The following UNC13A variants were observed in gnomAD, a reference collection of about 807,000 sequenced individuals.
UNC13A encodes the protein protein unc-13 homolog A.
UNC13A carries 61 observed loss-of-function variants against 219.7 expected under a neutral mutation model. The ratio of observed to expected loss-of-function variants is 0.28; its 90% CI spans 0.23 to 0.34. UNC13A has a LOEUF of 0.34. Ranked by LOEUF, UNC13A falls within the 10% of genes least tolerant of loss-of-function variation. The pLI is 1.00. For missense variants in UNC13A, 1,476 were observed against 2,270.3 expected (o/e 0.65, Z 7.11); for synonymous variants, 920 against 884.6 (o/e 1.04, Z -0.71).
At chr19:17,640,796 TC>T in intron 21 of UNC13A, 135 bp from the exon 22 acceptor site, 1 of 916,850 alleles carries the variant, frequency 1.1e-6, no homozygotes, top group Non-Finnish European at 1.5e-6. Context: ...CCTGATTCTG[TC>T]CTTTGGGTCT....
chr19:17,670,883 GAC>G (rs1442311566), intron 4 of UNC13A, among the ~76,000 whole-genome samples: 1 of 148,198 alleles, frequency 6.7e-6, no homozygotes, highest in Non-Finnish European at 1.5e-5. Context: ...CAGCCTGGGT[GAC>G]AGAGTGAGAC....
At chr19:17,655,834 C>G in intron 10 of UNC13A, 49 bp downstream of exon 10, 1 of 1,471,458 alleles carries the variant, frequency 6.8e-7, no homozygotes, top group Non-Finnish European at 9.0e-7. Context: ...CCCTGCTGAC[C>G]CTGTGACCTT....
intron 22 of UNC13A, among the ~76,000 whole-genome samples, 163 bp downstream of exon 22, chr19:17,640,348 T>C (rs985403947): frequency 2.6e-5 from 4 of 152,140 alleles, no homozygotes; most frequent in African/African-American, 4.8e-5. Context: ...CTCCATTCTA[T>C]AGCATTCTAC....
chr19:17,646,182 C>T, intron 17 of UNC13A, 71 bp from the exon 18 acceptor site: 1 of 1,588,036 alleles, frequency 6.3e-7, no homozygotes, highest in Non-Finnish European at 8.6e-7. Flanking sequence ...GTCACTGCCA[C>T]ACGCTGCAGG....
chr19:17,666,918 G>GAGAGAGAGAGAGAGAGAGAA (rs1311853996), intron 6 of UNC13A, among the ~76,000 whole-genome samples: 1 of 25,346 alleles, frequency 3.9e-5, no homozygotes, highest in Non-Finnish European at 1.2e-4. Flanking sequence ...GAGAAAGACA[G>GAGAGAGAGAGAGAGAGAGAA]AGACAGAGAC....
rs557807720 is a variant in UNC13A at position 17,671,924 on chromosome 19, C to T, written c.270+454G>A. 6.6e-5 allele frequency among the ~76,000 whole-genome samples: 10 copies of T among 152,250 alleles called. No homozygotes were observed. The East Asian group carries it at 1.9e-3, about 29-fold the overall frequency. ...CATCTGGGACACAAAATGCTAATTG[C>T]CTATATTATCCCTTTTCTCCTTCCA... On this transcript the variant is annotated intron_variant, in intron 4 of 43. Transcript: ENST00000519716.
Position 17,674,793 on chromosome 19 carries a change from A to G in UNC13A, c.53-37T>C, listed in dbSNP as rs755852426. 6.4e-7 allele frequency: 1 copy of G among 1,557,304 alleles called. No individual in the cohort carries two copies. The highest frequency in any genetic ancestry group is 1.1e-5 in the South Asian group (1 of 89,906). On this transcript the variant is annotated intron_variant, in intron 2 of 43. Transcript: ENST00000519716. The surrounding 1 kb of genome is among the most constrained non-coding windows in gnomAD (Gnocchi z 5.0). Reference sequence around the variant, plus strand: ...AGAGTAGGGGTCAGCGCTGGGGCTCAGGGACTCTCCAATGCCCCTTCCCAA... The same window carrying G: ...AGAGTAGGGGTCAGCGCTGGGGCTCGGGGACTCTCCAATGCCCCTTCCCAA...
intron 1 of UNC13A, among the ~76,000 whole-genome samples, chr19:17,677,357 CTTTTTTTTTTTCTTTTT>C (rs1265907043): frequency 1.5e-5 from 1 of 67,032 alleles, no homozygotes. Flanking sequence ...TCTTTCTTTT[CTTTTTTTTTTTCTTTTT>C]TTTTTTAGGG....
intron 7 of UNC13A, among the ~76,000 whole-genome samples, chr19:17,664,321 A>G (rs1158188820): frequency 1.3e-5 from 2 of 152,194 alleles, no homozygotes; most frequent in Non-Finnish European, 2.9e-5. Context: ...TTTATGGGTG[A>G]AACTATGGGG....
intron 6 of UNC13A, among the ~76,000 whole-genome samples, chr19:17,667,343 G>T (rs1246980801): frequency 6.6e-6 from 1 of 152,070 alleles, no homozygotes; most frequent in African/African-American, 2.4e-5. Flanking sequence ...AAAACTACCC[G>T]TTAGGTACTG....
intron 20 of UNC13A, 92 bp downstream of exon 20, chr19:17,642,753 A>G: frequency 9.2e-7 from 1 of 1,088,042 alleles, no homozygotes; most frequent in South Asian, 1.5e-5. Context: ...GGGCCAGGAG[A>G]GTGTGGATGG....
intron 43 of UNC13A, among the ~76,000 whole-genome samples, chr19:17,608,738 G>C (rs928363954): frequency 2.6e-5 from 4 of 151,658 alleles, no homozygotes; most frequent in Middle Eastern, 3.4e-3. Context: ...GGATGGTCTC[G>C]ATCTCCTGAC....
At chr19:17,628,869 C>T (rs538390897) in intron 31 of UNC13A, among the ~76,000 whole-genome samples, 49 of 152,102 alleles carry the variant, frequency 3.2e-4, no homozygotes, top group African/African-American at 9.6e-4. Flanking sequence ...CACACTCAGA[C>T]GTGCACAGTT....
Position 17,669,695 on chromosome 19 carries a change from G to A in UNC13A, c.271-19C>T. The A allele has an allele frequency of 6.3e-7, 1 of 1,597,488 alleles. No homozygotes were observed. The highest frequency in any genetic ancestry group is 8.5e-7 in the Non-Finnish European group (1 of 1,172,286). On this transcript the variant is annotated intron_variant, in intron 4 of 43. Coordinates refer to ENST00000519716, the MANE Select transcript of UNC13A (RefSeq NM_001080421.3). Reference sequence around the variant, plus strand: ...GGCCCTCCTGGGGGTTGGGGGAGGAGGTGTGTGGGTCAGGAATCTGCTGGT... The same window carrying A: ...GGCCCTCCTGGGGGTTGGGGGAGGAAGTGTGTGGGTCAGGAATCTGCTGGT...
intron 19 of UNC13A, 92 bp downstream of exon 19, chr19:17,645,582 G>A (rs937667280): frequency 1.9e-6 from 3 of 1,550,438 alleles, no homozygotes; most frequent in Non-Finnish European, 8.8e-7. Flanking sequence ...AACTCCTCCT[G>A]AGAACACATC....
intron 11 of UNC13A, among the ~76,000 whole-genome samples, chr19:17,654,395 A>C (rs10413975): frequency 0.011 from 1,725 of 152,268 alleles, 37 homozygotes; most frequent in African/African-American, 0.04. Flanking sequence ...ATATGTATGT[A>C]CTGCTGAGTC....
At chr19:17,670,394 G>C (rs1362055711) in intron 4 of UNC13A, among the ~76,000 whole-genome samples, 1 of 151,384 alleles carries the variant, frequency 6.6e-6, no homozygotes, top group African/African-American at 2.4e-5. Flanking sequence ...GTACGTGCCA[G>C]CACTCCTGGC....
At chr19:17,613,495 C>T (rs73026328) in intron 41 of UNC13A, among the ~76,000 whole-genome samples, 3,639 of 152,068 alleles carry the variant, frequency 0.024, 71 homozygotes, top group Non-Finnish European at 0.036. Context: ...CTGCAACACC[C>T]CTTCCAATAG....
intron 43 of UNC13A, among the ~76,000 whole-genome samples, chr19:17,608,421 TTA>T (rs1454547430): frequency 4.6e-5 from 6 of 131,398 alleles, no homozygotes; most frequent in South Asian, 2.1e-4. Flanking sequence ...AAAAATATAT[TTA>T]TATGATATAT....
Sources: allele counts gnomAD v4.1 joint callset (sites outside exome capture counted in the v4.1 genomes callset), GRCh38; gene constraint gnomAD v4.1.1; non-coding constraint Gnocchi (gnomAD v3.1); transcripts MANE v1.5; gene names NCBI Gene and HGNC (gene_info 2026-07-23, HGNC 2026-07-21).